The following QKI variants were observed in gnomAD, a reference collection of about 807,000 sequenced individuals.
QKI encodes the protein KH domain-containing RNA-binding protein QKI.
In QKI, 10 loss-of-function variants were observed where a neutral mutation model predicts 39.0. That is an observed-to-expected ratio of 0.26 (90% confidence interval 0.16 to 0.43). QKI has a LOEUF of 0.43. QKI is among the 20% of genes least tolerant of loss of function. The probability of loss-of-function intolerance (pLI) is 1.00; values close to 1 mark genes in which losing one functional copy is unlikely to be tolerated. For missense variants in QKI, 218 were observed against 428.0 expected, an observed-to-expected ratio of 0.51 and a Z score of 4.33; for synonymous variants, 204 against 155.4, an observed-to-expected ratio of 1.31 and a Z score of -2.33.
chr6:163,441,822 G>A (rs1379555829), intron 1 of QKI, among the ~76,000 whole-genome samples: 1 of 152,190 alleles, frequency 6.6e-6, no homozygotes, highest in African/African-American at 2.4e-5. Flanking sequence ...GTGTGGACTT[G>A]TAGCCAGGGA....
intron 1 of QKI, among the ~76,000 whole-genome samples, chr6:163,450,385 T>C (rs1369807139): frequency 6.6e-6 from 1 of 152,160 alleles, no homozygotes; most frequent in Non-Finnish European, 1.5e-5. Flanking sequence ...AAAGGATATG[T>C]ACAAAAGTAG....
At chr6:163,568,820 T>G in intron 7 of QKI, 5 of 985,740 alleles carry the variant, frequency 5.1e-6, no homozygotes, top group Non-Finnish European at 6.0e-6. Flanking sequence ...AAACTGAATT[T>G]GAAGCCTATT....
rs1562505572 is a variant in QKI at position 163,517,076 on chromosome 6, TCTCTTTCTC to T, written c.403-17905_403-17897del. On this transcript the variant is annotated intron_variant, in intron 3 of 7. Transcript: ENST00000361752. ...CACACTCACTCTCTCTCTCTCTCTCTCTCTTTCTCTCTCTCTCTCTCTCTCTAGCTCTCT... is the reference window on the plus strand; with the variant it reads ...CACACTCACTCTCTCTCTCTCTCTCTTCTCTCTCTCTCTCTCTAGCTCTCT... 2.2e-3 allele frequency among the ~76,000 whole-genome samples: 79 copies of T among 35,816 alleles called. No homozygotes were observed. In the East Asian group the frequency reaches 0.056, roughly 25 times the overall value. The allele number at this position is 35,816 out of a possible 152,430, so 23.5% of individuals were successfully genotyped here.
intron 1 of QKI, among the ~76,000 whole-genome samples, chr6:163,452,592 G>A (rs1379560775): frequency 6.6e-6 from 1 of 152,146 alleles, no homozygotes; most frequent in Non-Finnish European, 1.5e-5. Flanking sequence ...CTGGGTAACA[G>A]AATCTCATGG....
At chr6:163,509,139 G>C (rs111772486) in intron 3 of QKI, among the ~76,000 whole-genome samples, 1 of 148,610 alleles carries the variant, frequency 6.7e-6, no homozygotes, top group Non-Finnish European at 1.5e-5. Flanking sequence ...CTCCGTCTCA[G>C]TCAGTCAGTC....
chr6:163,467,424 A>G (rs1791849263), intron 2 of QKI, among the ~76,000 whole-genome samples: 1 of 152,220 alleles, frequency 6.6e-6, no homozygotes, highest in Non-Finnish European at 1.5e-5. Flanking sequence ...ATAAATCCCA[A>G]AGGACAAAGT....
Position 163,570,843 on chromosome 6 carries a change from C to T in QKI, c.*133C>T. 8.5e-7 allele frequency: 1 copy of T among 1,178,280 alleles called. No individual in the cohort carries two copies. The highest frequency in any genetic ancestry group is 1.7e-5 in the South Asian group (1 of 59,474). 73.0% of individuals were successfully genotyped at this position (1,178,280 alleles called of 1,614,324 possible). ...CGAGCTGAGGCACTTGTCCGTTCGTCTTACCATCTAACCAAACAAAAGACA... is the reference window on the plus strand; with the variant it reads ...CGAGCTGAGGCACTTGTCCGTTCGTTTTACCATCTAACCAAACAAAAGACA... On this transcript the variant is annotated 3_prime_UTR_variant, in exon 8 of 8. Transcript: ENST00000361752.
At chr6:163,455,126 G>T (rs1295529237) in intron 1 of QKI, 153 bp from the exon 2 acceptor site, 2 of 543,068 alleles carry the variant, frequency 3.7e-6, no homozygotes, top group Non-Finnish European at 6.2e-6. Context: ...TTAAACATGG[G>T]CTTAATCCAG....
chr6:163,469,914 A>G (rs779260345), intron 2 of QKI, among the ~76,000 whole-genome samples: 33 of 152,328 alleles, frequency 2.2e-4, no homozygotes, highest in Non-Finnish European at 4.4e-4. Flanking sequence ...TGTCAATTCT[A>G]GACCTCTTTA....
chr6:163,482,395 T>C (rs541654383), intron 3 of QKI, among the ~76,000 whole-genome samples: 1 of 152,060 alleles, frequency 6.6e-6, no homozygotes, highest in South Asian at 2.1e-4. Flanking sequence ...ACCAAACAAA[T>C]CTCCAGAAAA....
intron 1 of QKI, among the ~76,000 whole-genome samples, chr6:163,420,786 T>A (rs554456855): frequency 6.6e-6 from 1 of 152,318 alleles, no homozygotes; most frequent in South Asian, 2.1e-4. Flanking sequence ...AAATCACAAC[T>A]AACAATAAAC....
chr6:163,454,308 T>TA (rs556967372), intron 1 of QKI, among the ~76,000 whole-genome samples: 4 of 151,928 alleles, frequency 2.6e-5, no homozygotes, highest in African/African-American at 4.8e-5. Context: ...CTCCTACTTT[T>TA]AAAAAAAATG....
intron 1 of QKI, among the ~76,000 whole-genome samples, chr6:163,424,450 T>C (rs1788251092): frequency 6.6e-6 from 1 of 152,196 alleles, no homozygotes; most frequent in Admixed American, 6.5e-5. Flanking sequence ...TGGGATCTAA[T>C]CATGACTCCG....
At chr6:163,548,551 G>A (rs184404322) in intron 4 of QKI, among the ~76,000 whole-genome samples, 40 of 152,270 alleles carry the variant, frequency 2.6e-4, no homozygotes, top group Non-Finnish European at 5.9e-5. Context: ...AAATATTGTG[G>A]TATATAAATT....
chr6:163,522,341 AATT>A (rs931790227), intron 3 of QKI, among the ~76,000 whole-genome samples: 23 of 152,206 alleles, frequency 1.5e-4, no homozygotes, highest in African/African-American at 5.3e-4. Flanking sequence ...GTAGAAACTC[AATT>A]ATTATTTATG....
intron 1 of QKI, among the ~76,000 whole-genome samples, chr6:163,436,908 C>A (rs1789342893): frequency 6.6e-6 from 1 of 151,688 alleles, no homozygotes; most frequent in African/African-American, 2.4e-5. Flanking sequence ...AAATTAAGAG[C>A]CTGACTTTTT....
rs1158190632 is a variant in QKI at position 163,576,934 on chromosome 6, G to T, written c.*6224G>T. ...AGACTGCTACAGTGTTCCATAGTTG[G>T]ACTGTGCATCCAAAACATTTTTTTA... On this transcript the variant is annotated 3_prime_UTR_variant, in exon 8 of 8. Transcript: ENST00000361752. 6.6e-6 allele frequency: 1 copy of T among 152,140 alleles called. No individual in the cohort carries two copies. Among genetic ancestry groups the T allele is most frequent in the Non-Finnish European group, 1.5e-5 (1 of 68,018 alleles). 9.4% of individuals were successfully genotyped at this position (152,140 alleles called of 1,614,324 possible).
chr6:163,555,190 T>G (rs1782508312), intron 4 of QKI, among the ~76,000 whole-genome samples: 2 of 152,206 alleles, frequency 1.3e-5, no homozygotes, highest in Admixed American at 1.3e-4. Context: ...TTAAAATATG[T>G]TGAGCACATT....
intron 3 of QKI, among the ~76,000 whole-genome samples, chr6:163,500,958 G>T (rs1256719043): frequency 1.3e-5 from 2 of 152,038 alleles, no homozygotes; most frequent in Non-Finnish European, 2.9e-5. Context: ...ATTCTCCATA[G>T]TAACACCCAC....
Sources: allele counts gnomAD v4.1 joint callset (sites outside exome capture counted in the v4.1 genomes callset), GRCh38; gene constraint gnomAD v4.1.1; transcripts MANE v1.5; gene names NCBI Gene and HGNC (gene_info 2026-07-23, HGNC 2026-07-21).